The following MEIS1 variants were observed in gnomAD, a reference collection of about 807,000 sequenced individuals.
The protein encoded by MEIS1 is homeobox protein Meis1.
MEIS1 carries 5 observed loss-of-function variants against 50.8 expected under a neutral mutation model. That is an observed-to-expected ratio of 0.10 (90% CI 0.05 to 0.21). The LOEUF (loss-of-function observed/expected upper bound fraction) is 0.21, where lower values mean the gene tolerates loss of function less well. MEIS1 is among the 10% of genes least tolerant of loss of function. The pLI, the probability that MEIS1 is intolerant of heterozygous loss-of-function variation, is 1.00. For missense variants in MEIS1, 318 were observed against 517.3 expected (o/e 0.61, Z 3.74); for synonymous variants, 176 against 179.3 (o/e 0.98, Z 0.15).
intron 9 of MEIS1, among the ~76,000 whole-genome samples, chr2:66,557,030 C>A (rs1172570345): frequency 1.3e-5 from 2 of 152,078 alleles, no homozygotes; most frequent in Non-Finnish European, 2.9e-5. Context: ...TGTTTTTAGT[C>A]ATGCTATTTC....
chr2:66,479,000 A>G (rs1040754481), intron 7 of MEIS1, among the ~76,000 whole-genome samples: 6 of 152,240 alleles, frequency 3.9e-5, no homozygotes, highest in Admixed American at 3.3e-4. Context: ...CAGAACTGAC[A>G]GATGTTTGCA....
At chr2:66,509,008 G>T (rs1301346163) in intron 7 of MEIS1, 1 of 471,118 alleles carries the variant, frequency 2.1e-6, no homozygotes. Context: ...CCGTGTGGTC[G>T]GCCGGCGGTT....
intron 8 of MEIS1, 87 bp downstream of exon 8, chr2:66,512,381 C>G (rs1673851991): frequency 1.4e-6 from 2 of 1,385,508 alleles, no homozygotes; most frequent in Admixed American, 3.2e-5. Flanking sequence ...AGTGATCCCT[C>G]TGGACTTGAA....
chr2:66,469,827 A>C (rs1573153952), intron 7 of MEIS1, among the ~76,000 whole-genome samples: 1 of 152,088 alleles, frequency 6.6e-6, no homozygotes, highest in South Asian at 2.1e-4. Flanking sequence ...AATTTGAAAA[A>C]CTACCGTAGC....
chr2:66,551,830 A>G (rs2103939475), intron 9 of MEIS1, among the ~76,000 whole-genome samples: 1 of 152,234 alleles, frequency 6.6e-6, no homozygotes, highest in South Asian at 2.1e-4. Context: ...TTATCCAAAA[A>G]TGATAAATAA....
At position 66,487,169 on chromosome 2, in the gene MEIS1, T is replaced by C. The variant is rs1219057508; in HGVS notation, c.742+22949T>C. 2.6e-5 allele frequency among the ~76,000 whole-genome samples: 4 copies of C among 152,144 alleles called. No individual in the cohort carries two copies. In the South Asian group the frequency reaches 6.2e-4, roughly 24 times the overall value. On this transcript the variant is annotated intron_variant, in intron 7 of 12. Coordinates refer to ENST00000272369, the MANE Select transcript of MEIS1 (RefSeq NM_002398.3). ...GGTGAGAGAGGGCATCCTTGAAAAA[T>C]AGGACAAGATTTGTGAAGCATTGCA...
intron 8 of MEIS1, among the ~76,000 whole-genome samples, chr2:66,535,023 A>G (rs1674484725): frequency 6.6e-6 from 1 of 152,194 alleles, no homozygotes; most frequent in South Asian, 2.1e-4. Flanking sequence ...GGCAGTACAC[A>G]TTTACACGTT....
rs150125920 is a variant in MEIS1 at position 66,547,430 on chromosome 2, A to ATG, written c.889-497_889-496dup. On this transcript the variant is annotated intron_variant, in intron 8 of 12. Coordinates refer to ENST00000272369, the MANE Select transcript of MEIS1 (RefSeq NM_002398.3). ...GCTGAGGACTGAAAATGAATAGTGTATGTGTGTGTGTGTGTGTTTAATAGC... is the reference window on the plus strand; with the variant it reads ...GCTGAGGACTGAAAATGAATAGTGTATGTGTGTGTGTGTGTGTGTTTAATAGC... 1.9e-3 allele frequency among the ~76,000 whole-genome samples: 294 copies of ATG among 151,032 alleles called. 3 individuals are homozygous for ATG. Among genetic ancestry groups the ATG allele is most frequent in the African/African-American group, 5.2e-3 (215 of 41,296 alleles).
rs559426571 is a variant in MEIS1 at position 66,454,311 on chromosome 2, G to A, written c.631-9798G>A. ...TTGTTTTATAGAGTATTTTATCATC[G>A]TAGAGTTTAAGAAAAATATCTTAAT... On this transcript the variant is annotated intron_variant, in intron 6 of 12. Coordinates refer to ENST00000272369, the MANE Select transcript of MEIS1 (RefSeq NM_002398.3). 5.9e-5 allele frequency among the ~76,000 whole-genome samples: 9 copies of A among 152,046 alleles called. No individual in the cohort carries two copies. In the East Asian group the frequency reaches 7.7e-4, roughly 13 times the overall value.
intron 7 of MEIS1, among the ~76,000 whole-genome samples, chr2:66,499,579 C>CA (rs971911982): frequency 5.9e-4 from 90 of 151,632 alleles, no homozygotes; most frequent in African/African-American, 2.1e-3. Flanking sequence ...CCCAGGAAGA[C>CA]AGGGAGAGCC....
intron 8 of MEIS1, among the ~76,000 whole-genome samples, chr2:66,529,451 T>G (rs896252366): frequency 3.3e-5 from 5 of 152,276 alleles, no homozygotes; most frequent in Admixed American, 1.3e-4. Context: ...TCTTATTTCT[T>G]TTAGAAATAG....
intron 9 of MEIS1, among the ~76,000 whole-genome samples, chr2:66,548,771 A>G (rs983606294): frequency 5.3e-5 from 8 of 152,220 alleles, no homozygotes; most frequent in African/African-American, 1.9e-4. Context: ...TCGAAATCCA[A>G]TATCCTCTAA....
At chr2:66,509,623 T>G (rs1673775200) in intron 7 of MEIS1, among the ~76,000 whole-genome samples, 1 of 152,222 alleles carries the variant, frequency 6.6e-6, no homozygotes, top group South Asian at 2.1e-4. Flanking sequence ...TACATAAGTC[T>G]TCACTTAAAA....
At chr2:66,452,684 C>T (rs1396086856) in intron 6 of MEIS1, among the ~76,000 whole-genome samples, 1 of 151,910 alleles carries the variant, frequency 6.6e-6, no homozygotes, top group East Asian at 1.9e-4. Flanking sequence ...ATTTAACCCC[C>T]TTCCTTTCTT....
intron 7 of MEIS1, among the ~76,000 whole-genome samples, chr2:66,497,039 A>G (rs1346319842): frequency 6.6e-6 from 1 of 152,186 alleles, no homozygotes; most frequent in African/African-American, 2.4e-5. Flanking sequence ...GCCTTCAGTA[A>G]AAAGGATAAG....
intron 8 of MEIS1, among the ~76,000 whole-genome samples, chr2:66,543,601 T>A (rs1309307337): frequency 2.6e-5 from 4 of 152,144 alleles, no homozygotes; most frequent in African/African-American, 7.2e-5. Flanking sequence ...TGGCTTTCAC[T>A]CATTCCTGAG....
At chr2:66,566,206 A>G (rs1675343095) in intron 9 of MEIS1, among the ~76,000 whole-genome samples, 1 of 152,198 alleles carries the variant, frequency 6.6e-6, no homozygotes, top group Admixed American at 6.5e-5. Context: ...ATTTGTTTCA[A>G]TTACTTCTCA....
At chr2:66,558,150 A>G (rs928699510) in intron 9 of MEIS1, among the ~76,000 whole-genome samples, 1 of 151,942 alleles carries the variant, frequency 6.6e-6, no homozygotes, top group African/African-American at 2.4e-5. Context: ...GTGGGGGTGC[A>G]TGCCTGTAAT....
intron 7 of MEIS1, among the ~76,000 whole-genome samples, chr2:66,507,990 T>C (rs929631998): frequency 6.6e-6 from 1 of 152,238 alleles, no homozygotes; most frequent in Non-Finnish European, 1.5e-5. Flanking sequence ...TCTTTGTTGG[T>C]TGGCCTCTTT....
Sources: gnomAD v4.1 joint callset for allele counts (sites outside exome capture counted in the v4.1 genomes callset) on GRCh38, gnomAD v4.1.1 for gene constraint, MANE v1.5 for transcripts, NCBI Gene and HGNC (gene_info 2026-07-23, HGNC 2026-07-21) for gene names.